The following CLNK variants were observed in gnomAD, a reference collection of about 807,000 sequenced individuals.
CLNK encodes cytokine-dependent hematopoietic cell linker.
In CLNK, 74 loss-of-function variants were observed where a neutral mutation model predicts 68.6. The ratio of observed to expected loss-of-function variants is 1.08; its 90% CI spans 0.89 to 1.31. The LOEUF (loss-of-function observed/expected upper bound fraction) is 1.31. Ranked by LOEUF, CLNK falls within the 50% of genes most tolerant of loss-of-function variation. The pLI, the probability that CLNK is intolerant of heterozygous loss-of-function variation, is 0.00. For synonymous variants in CLNK, 198 were observed against 172.2 expected, an observed-to-expected ratio of 1.15 and a Z score of -1.17; for missense variants, 553 against 515.3, an observed-to-expected ratio of 1.07 and a Z score of -0.71.
chr4:10,545,244 C>A (rs1158706437), intron 8 of CLNK, among the ~76,000 whole-genome samples: 3 of 152,144 alleles, frequency 2.0e-5, no homozygotes, highest in Non-Finnish European at 2.9e-5. Context: ...GAAATCAAAA[C>A]AAATTATCTA....
At chr4:10,724,105 T>C in the CLNK span, among the ~76,000 whole-genome samples, 1 of 152,168 alleles carries the variant, frequency 6.6e-6, no homozygotes, top group Non-Finnish European at 1.5e-5. Context: ...TCCTTATTAT[T>C]GGACTAAAGG....
rs1288379203 is a variant in CLNK at position 10,537,702 on chromosome 4, C to CTTTCTTTCTTTCTTT, written c.602+2791_602+2792insAAAGAAAGAAAGAAA. On this transcript the variant is annotated intron_variant, in intron 11 of 18. Coordinates refer to ENST00000226951, the MANE Select transcript of CLNK (RefSeq NM_052964.4). ...TTCTTCCTTCCTTCCTTCCTTCCTT[C>CTTTCTTTCTTTCTTT]CTTCCTTTCTTTCTTTCTTTCTTTC... Among the ~76,000 whole-genome samples, 195 of 23,056 alleles carry CTTTCTTTCTTTCTTT rather than the reference C, an allele frequency of 8.5e-3. 7 individuals are homozygous for CTTTCTTTCTTTCTTT. The highest frequency in any genetic ancestry group is 0.026 in the South Asian group (15 of 568). The allele number at this position is 23,056 out of a possible 152,430, so 15.1% of individuals were successfully genotyped here. A position where few individuals can be genotyped will look rare whatever the true frequency, so the allele number is the denominator to read the frequency against.
chr4:10,573,860 T>G (rs1453276105), intron 4 of CLNK, among the ~76,000 whole-genome samples: 1 of 152,114 alleles, frequency 6.6e-6, no homozygotes, highest in African/African-American at 2.4e-5. Context: ...CTGGAGCCTC[T>G]TCTCCCTCTC....
intron 11 of CLNK, among the ~76,000 whole-genome samples, chr4:10,537,653 T>TTC (rs1162935152): frequency 7.8e-5 from 4 of 51,458 alleles, no homozygotes; most frequent in Non-Finnish European, 1.5e-4. Context: ...CTTTCTTTCT[T>TTC]TCTTTCTTTC....
chr4:10,498,543 G>A (rs1016684231), intron 18 of CLNK, among the ~76,000 whole-genome samples: 46 of 152,230 alleles, frequency 3.0e-4, no homozygotes, highest in African/African-American at 9.9e-4. Context: ...TCCTAAAGAT[G>A]AGAAATTCTA....
intron 2 of CLNK, among the ~76,000 whole-genome samples, chr4:10,667,110 T>C (rs1301530149): frequency 1.3e-5 from 2 of 152,154 alleles, no homozygotes. Context: ...ATCATCATTC[T>C]CCAGTATCAT....
At chr4:10,525,334 G>T (rs923020334) in intron 14 of CLNK, among the ~76,000 whole-genome samples, 2 of 152,080 alleles carry the variant, frequency 1.3e-5, no homozygotes, top group Non-Finnish European at 2.9e-5. Flanking sequence ...CAAAGTGCTG[G>T]GATTACAGGC....
intron 2 of CLNK, among the ~76,000 whole-genome samples, chr4:10,649,680 A>G (rs1723651895): frequency 6.6e-6 from 1 of 152,316 alleles, no homozygotes; most frequent in Non-Finnish European, 1.5e-5. Context: ...CCTCCTGAGA[A>G]TTAACAAATA....
chr4:10,539,273 G>A (rs1274195551), intron 11 of CLNK, among the ~76,000 whole-genome samples: 5 of 152,196 alleles, frequency 3.3e-5, no homozygotes, highest in African/African-American at 1.2e-4. Flanking sequence ...GAAAACTTAT[G>A]CTTGTGTGGG....
At chr4:10,582,369 C>T (rs1427413412) in intron 4 of CLNK, among the ~76,000 whole-genome samples, 1 of 152,162 alleles carries the variant, frequency 6.6e-6, no homozygotes, top group African/African-American at 2.4e-5. Context: ...TTGAAGACTG[C>T]TTTCCTTAGA....
chr4:10,699,520 T>A, the CLNK span, among the ~76,000 whole-genome samples: 8 of 122,646 alleles, frequency 6.5e-5, no homozygotes, highest in African/African-American at 1.8e-4. Context: ...ATATTTTTTT[T>A]TTTTTTTTTC....
At chr4:10,604,695 C>A (rs1445893684) in intron 2 of CLNK, among the ~76,000 whole-genome samples, 2 of 152,028 alleles carry the variant, frequency 1.3e-5, no homozygotes, top group East Asian at 3.8e-4. Flanking sequence ...GGAGACTGCC[C>A]CCTGAAAATT....
At chr4:10,675,204 A>G (rs1029761433) in intron 1 of CLNK, among the ~76,000 whole-genome samples, 4 of 152,202 alleles carry the variant, frequency 2.6e-5, no homozygotes, top group African/African-American at 9.6e-5. Context: ...ATTTTAGAAA[A>G]CTAAAATAAA....
chr4:10,613,958 G>A (rs1405968744), intron 2 of CLNK, among the ~76,000 whole-genome samples: 1 of 152,224 alleles, frequency 6.6e-6, no homozygotes, highest in African/African-American at 2.4e-5. Context: ...AGGGAGCCAG[G>A]TGCTGACCAA....
intron 17 of CLNK, among the ~76,000 whole-genome samples, chr4:10,507,567 G>T (rs1337283193): frequency 6.6e-6 from 1 of 152,030 alleles, no homozygotes; most frequent in Non-Finnish European, 1.5e-5. Context: ...AGGTTCAAGT[G>T]ATTCTCGTGT....
At chr4:10,564,860 A>T (rs1720042025) in intron 6 of CLNK, 83 bp from the exon 7 acceptor site, 1 of 829,378 alleles carries the variant, frequency 1.2e-6, no homozygotes, top group Admixed American at 2.0e-5. Flanking sequence ...ACATCTACAA[A>T]CTCATTGGAT....
chr4:10,723,863 C>G, the CLNK span, among the ~76,000 whole-genome samples: 5 of 57,338 alleles, frequency 8.7e-5, no homozygotes, highest in African/African-American at 2.2e-4. Context: ...CTGGAGAGGT[C>G]TGAGAATAAC....
chr4:10,531,941 A>G (rs1343087259), intron 12 of CLNK, among the ~76,000 whole-genome samples: 1 of 152,122 alleles, frequency 6.6e-6, no homozygotes, highest in Non-Finnish European at 1.5e-5. Flanking sequence ...CTAACACTTG[A>G]TTTCTGTAAT....
chr4:10,533,365 G>C (rs1034227232), intron 11 of CLNK, among the ~76,000 whole-genome samples: 2 of 152,228 alleles, frequency 1.3e-5, no homozygotes, highest in African/African-American at 4.8e-5. Flanking sequence ...AGTGGAGTGA[G>C]GGTATATGTT....
Sources: allele counts gnomAD v4.1 joint callset (sites outside exome capture counted in the v4.1 genomes callset), GRCh38; gene constraint gnomAD v4.1.1; transcripts MANE v1.5; gene names NCBI Gene and HGNC (gene_info 2026-07-23, HGNC 2026-07-21).